Variants in RALGAPA1 observed in about 807,000 individuals in gnomAD.
RALGAPA1 encodes the protein ral GTPase-activating protein subunit alpha-1.
In RALGAPA1, 52 loss-of-function variants were observed where a neutral mutation model predicts 269.6. That is an observed-to-expected ratio of 0.19 (90% CI 0.15 to 0.24). The LOEUF (loss-of-function observed/expected upper bound fraction) is 0.24, where lower values mean the gene tolerates loss of function less well. Ranked by LOEUF, RALGAPA1 falls within the 10% of genes least tolerant of loss-of-function variation. The pLI is 1.00. For missense variants in RALGAPA1, 1,917 were observed against 3,013.9 expected (o/e 0.64, Z 8.52); for synonymous variants, 817 against 1,008.3 (o/e 0.81, Z 3.60).
chr14:35,762,490 A>C (rs1243399820), intron 5 of RALGAPA1, among the ~76,000 whole-genome samples: 1 of 152,200 alleles, frequency 6.6e-6, no homozygotes, highest in Non-Finnish European at 1.5e-5. Flanking sequence ...TCCTGGCTTC[A>C]AGTGGTCCAC....
At chr14:35,777,717 C>A (rs984220188) in intron 1 of RALGAPA1, among the ~76,000 whole-genome samples, 13 of 152,000 alleles carry the variant, frequency 8.6e-5, no homozygotes, top group African/African-American at 2.7e-4. Flanking sequence ...TGCCCACTAT[C>A]ACACCTGGCT....
At chr14:35,630,716 G>A (rs112163571) in intron 33 of RALGAPA1, among the ~76,000 whole-genome samples, 2,676 of 152,174 alleles carry the variant, frequency 0.018, 82 homozygotes, top group African/African-American at 0.061. Flanking sequence ...CCAACATGGC[G>A]AAACCGTGTC....
At chr14:35,658,738 A>C (rs1365418079) in intron 28 of RALGAPA1, among the ~76,000 whole-genome samples, 1 of 151,320 alleles carries the variant, frequency 6.6e-6, no homozygotes, top group African/African-American at 2.4e-5. Flanking sequence ...ATTTTCTTAG[A>C]TATATTACTT....
intron 27 of RALGAPA1, among the ~76,000 whole-genome samples, chr14:35,664,164 C>CTACT (rs1158393839): frequency 1.3e-5 from 2 of 152,144 alleles, no homozygotes; most frequent in Non-Finnish European, 2.9e-5. Flanking sequence ...TTTGCACCAT[C>CTACT]TACTGTTCAA....
At chr14:35,680,868 C>A (rs1381546219) in intron 21 of RALGAPA1, among the ~76,000 whole-genome samples, 4 of 152,086 alleles carry the variant, frequency 2.6e-5, no homozygotes, top group African/African-American at 9.7e-5. Context: ...CCCGCCTCGG[C>A]CTTCCAAAGT....
rs1420918000 is a variant in RALGAPA1, at chr14:35,689,789, C to T, written c.2622G>A (p.Leu874=). 1 of 1,544,832 alleles carries T rather than the reference C, an allele frequency of 6.5e-7. No homozygotes were observed. Among genetic ancestry groups the T allele is most frequent in the Admixed American group, 2.3e-5 (1 of 44,220 alleles). ...TTGAAGAAGCCTCTGTGGAACTCTG[C>T]AAGCTTGGTGCATGACGGGATGAAC... ...IDSSSRHAPS[L]QSSTEASSIT... is the part of the protein sequence containing the mutation. Residue 874 remains leucine, a synonymous_variant, in exon 18 of 42, where the codon TTG becomes TTA. Transcript: ENST00000680220.
At chr14:35,738,166 T>A (rs544747903) in intron 12 of RALGAPA1, among the ~76,000 whole-genome samples, 15 of 149,664 alleles carry the variant, frequency 1.0e-4, no homozygotes, top group African/African-American at 3.4e-4. Context: ...AACAGAAAAA[T>A]GAATAAGTCA....
At chr14:35,602,436 T>A (rs774859270) in intron 36 of RALGAPA1, among the ~76,000 whole-genome samples, 2 of 152,198 alleles carry the variant, frequency 1.3e-5, no homozygotes, top group Non-Finnish European at 1.5e-5. Context: ...CTACTAGCAG[T>A]GTATGAGGGT....
intron 1 of RALGAPA1, among the ~76,000 whole-genome samples, chr14:35,804,467 G>A (rs1022263653): frequency 1.4e-4 from 21 of 151,940 alleles, no homozygotes; most frequent in Admixed American, 4.6e-4. Flanking sequence ...TACTTAGGAG[G>A]CTGAGGCAGG....
intron 17 of RALGAPA1, among the ~76,000 whole-genome samples, chr14:35,695,217 A>T (rs1468695322): frequency 6.6e-6 from 1 of 152,048 alleles, no homozygotes; most frequent in African/African-American, 2.4e-5. Flanking sequence ...TGGGCAACAC[A>T]ATGAGACCCT....
At chr14:35,778,718 T>C (rs779853110) in intron 1 of RALGAPA1, among the ~76,000 whole-genome samples, 5 of 152,204 alleles carry the variant, frequency 3.3e-5, no homozygotes, top group Non-Finnish European at 7.4e-5. Context: ...ACAGGCAAAA[T>C]AGAACTGCCT....
chr14:35,595,926 A>G, intron 36 of RALGAPA1, 137 bp from the exon 37 acceptor site: 1 of 644,248 alleles, frequency 1.6e-6, no homozygotes, highest in African/African-American at 1.8e-5. Flanking sequence ...TTAATCTAGA[A>G]TTGTTAGAAT....
intron 16 of RALGAPA1, chr14:35,715,772 C>T: frequency 1.0e-6 from 1 of 985,346 alleles, no homozygotes; most frequent in Non-Finnish European, 1.2e-6. Flanking sequence ...TTCAGTCATC[C>T]AACCTTGAAG....
Position 35,654,481 on chromosome 14 carries a change from C to G in RALGAPA1, c.5497-4G>C, listed in dbSNP as rs1467648288. On this transcript the variant is annotated splice_region_variant and splice_polypyrimidine_tract_variant and intron_variant, in intron 29 of 41. Coordinates refer to ENST00000680220, the MANE Select transcript of RALGAPA1 (RefSeq NM_001346249.2). ...GGGCTACTGTTTTATTAGTAAACTG[C>G]AATAATAAAAAAAAAGTTTTAAAAA... The G allele has an allele frequency of 1.3e-6, 2 of 1,578,856 alleles. No homozygotes were observed. Among genetic ancestry groups the G allele is most frequent in the East Asian group, 4.5e-5 (2 of 43,976 alleles).
In RALGAPA1 at chr14:35,703,524, C is replaced by T. The variant is rs553731924; in HGVS notation, c.2267-3222G>A. ...CTAAAAAATGAAGCAAAAATGGTCACCTCCTTTTGTTGTTGTTTTTGTTTT... is the reference window on the plus strand; with the variant it reads ...CTAAAAAATGAAGCAAAAATGGTCATCTCCTTTTGTTGTTGTTTTTGTTTT... On this transcript the variant is annotated intron_variant, in intron 16 of 41. Coordinates refer to ENST00000680220, the MANE Select transcript of RALGAPA1 (RefSeq NM_001346249.2). Among the ~76,000 whole-genome samples, 4 of 152,222 alleles carry T rather than the reference C, an allele frequency of 2.6e-5. No individual in the cohort carries two copies. The South Asian group carries it at 8.3e-4, about 32-fold the overall frequency.
chr14:35,720,418 A>C (rs144077663), intron 16 of RALGAPA1, among the ~76,000 whole-genome samples: 18 of 152,270 alleles, frequency 1.2e-4, no homozygotes, highest in African/African-American at 4.1e-4. Context: ...TTTAGAACCT[A>C]ATTTTTTATA....
At chr14:35,688,133 T>TG (rs1795902107) in intron 18 of RALGAPA1, among the ~76,000 whole-genome samples, 1 of 152,214 alleles carries the variant, frequency 6.6e-6, no homozygotes, top group African/African-American at 2.4e-5. Context: ...AATCTTAATT[T>TG]CCATACTTGT....
At chr14:35,728,237 T>C (rs2070147010) in intron 13 of RALGAPA1, 125 bp downstream of exon 13, 1 of 887,400 alleles carries the variant, frequency 1.1e-6, no homozygotes, top group Admixed American at 4.3e-5. Flanking sequence ...TTTATATTTA[T>C]TCAATAATAG....
chr14:35,674,318 T>G (rs1288901628), intron 23 of RALGAPA1, 40 bp from the exon 24 acceptor site: 1 of 1,493,420 alleles, frequency 6.7e-7, no homozygotes, highest in East Asian at 2.3e-5. Flanking sequence ...CTAAGAAAAC[T>G]GTTATCTCTT....
Sources: gnomAD v4.1 joint callset for allele counts (sites outside exome capture counted in the v4.1 genomes callset) on GRCh38, gnomAD v4.1.1 for gene constraint, MANE v1.5 for transcripts, NCBI Gene and HGNC (gene_info 2026-07-23, HGNC 2026-07-21) for gene names.